FAR2: variants seen among roughly 807,000 people sequenced by gnomAD.
FAR2 encodes fatty acyl-CoA reductase 2.
FAR2 carries 19 observed loss-of-function variants against 56.0 expected under a neutral mutation model. That is an observed-to-expected ratio of 0.34 (90% CI 0.24 to 0.50). The LOEUF (loss-of-function observed/expected upper bound fraction) is 0.50. Ranked by LOEUF, FAR2 falls within the 20% of genes least tolerant of loss-of-function variation. The pLI, the probability that FAR2 is intolerant of heterozygous loss-of-function variation, is 0.98. For missense variants in FAR2, 508 were observed against 642.2 expected (o/e 0.79, Z 2.26); for synonymous variants, 219 against 218.8 (o/e 1.00, Z -0.01).
At chr12:29,238,061 T>C (rs1947967979) in intron 1 of FAR2, among the ~76,000 whole-genome samples, 1 of 152,176 alleles carries the variant, frequency 6.6e-6, no homozygotes, top group African/African-American at 2.4e-5. Flanking sequence ...AAAAGTTCAC[T>C]GATATGGTTT....
chr12:29,306,566 C>T (rs765436538), intron 4 of FAR2, among the ~76,000 whole-genome samples: 9 of 152,160 alleles, frequency 5.9e-5, no homozygotes, highest in Non-Finnish European at 1.0e-4. Flanking sequence ...TTAGAAAAAT[C>T]ACACTAGCAT....
intron 11 of FAR2, chr12:29,333,116 C>T (rs747789793): frequency 9.0e-6 from 3 of 332,468 alleles, no homozygotes; most frequent in African/African-American, 4.3e-5. Context: ...AAAAAAGTCA[C>T]TCCTCAATTT....
At chr12:29,239,899 CAG>C (rs982025183) in intron 1 of FAR2, among the ~76,000 whole-genome samples, 6 of 152,122 alleles carry the variant, frequency 3.9e-5, no homozygotes, top group African/African-American at 1.4e-4. Flanking sequence ...TGTTTTAAAA[CAG>C]AAAGATGATT....
intron 1 of FAR2, among the ~76,000 whole-genome samples, chr12:29,208,515 A>G (rs1358649419): frequency 1.3e-5 from 2 of 152,198 alleles, no homozygotes; most frequent in African/African-American, 4.8e-5. Context: ...TATATTGTTT[A>G]TACATCATTT....
chr12:29,258,415 A>C (rs990762336), intron 1 of FAR2, among the ~76,000 whole-genome samples: 2 of 152,162 alleles, frequency 1.3e-5, no homozygotes, highest in Middle Eastern at 3.2e-3. Context: ...TATATGTATA[A>C]ATTTTTTTCA....
intron 1 of FAR2, among the ~76,000 whole-genome samples, chr12:29,249,209 A>C (rs7299158): frequency 0.13 from 19,143 of 152,260 alleles, 1,403 homozygotes; most frequent in East Asian, 0.27. Context: ...GGCATAAGAA[A>C]TTATAAAAGT....
intron 9 of FAR2, chr12:29,317,837 A>G (rs1378329405): frequency 2.0e-5 from 3 of 152,674 alleles, no homozygotes; most frequent in African/African-American, 7.2e-5. Context: ...AGCTAAGGAA[A>G]GAATCTGAAT....
intron 1 of FAR2, among the ~76,000 whole-genome samples, chr12:29,192,188 A>T (rs564813198): frequency 6.6e-6 from 1 of 152,354 alleles, no homozygotes; most frequent in East Asian, 1.9e-4. Flanking sequence ...AAAATAAGTG[A>T]ATTGCACACC....
intron 1 of FAR2, among the ~76,000 whole-genome samples, chr12:29,173,535 T>A (rs975121187): frequency 6.6e-6 from 1 of 152,176 alleles, no homozygotes; most frequent in Non-Finnish European, 1.5e-5. Context: ...GATAGTATTG[T>A]AATTTATACT....
chr12:29,167,980 A>G (rs550213062), intron 1 of FAR2, among the ~76,000 whole-genome samples: 1 of 152,314 alleles, frequency 6.6e-6, no homozygotes, highest in South Asian at 2.1e-4. Context: ...ATTCTTGGAG[A>G]GATGGTGCTT....
chr12:29,209,678 G>A (rs1014739169), intron 1 of FAR2, among the ~76,000 whole-genome samples: 110 of 147,182 alleles, frequency 7.5e-4, no homozygotes, highest in Admixed American at 2.8e-4. Flanking sequence ...CTGCTACAAA[G>A]AAGGATGTCT....
intron 1 of FAR2, among the ~76,000 whole-genome samples, chr12:29,205,614 A>G (rs1445231403): frequency 2.0e-5 from 3 of 152,208 alleles, no homozygotes; most frequent in Non-Finnish European, 4.4e-5. Context: ...AATGAAATGG[A>G]AAAAAAGCTT....
intron 2 of FAR2, among the ~76,000 whole-genome samples, chr12:29,275,726 C>A (rs140849449): frequency 4.6e-5 from 7 of 152,290 alleles, no homozygotes; most frequent in South Asian, 4.2e-4. Flanking sequence ...GCCAACTATG[C>A]ATTTCTAGAT....
chr12:29,276,179 C>T (rs1479897451), intron 2 of FAR2, among the ~76,000 whole-genome samples: 1 of 152,210 alleles, frequency 6.6e-6, no homozygotes, highest in Non-Finnish European at 1.5e-5. Flanking sequence ...CAGGGAGTCT[C>T]TGCGTCTTTC....
intron 1 of FAR2, among the ~76,000 whole-genome samples, chr12:29,151,055 G>A (rs1428120167): frequency 1.3e-5 from 2 of 152,188 alleles, no homozygotes; most frequent in South Asian, 4.1e-4. Flanking sequence ...TGATCATCTT[G>A]ACCATCTCAC....
chr12:29,213,284 A>G (rs1269694230), intron 1 of FAR2, among the ~76,000 whole-genome samples: 1 of 152,084 alleles, frequency 6.6e-6, no homozygotes, highest in Non-Finnish European at 1.5e-5. Context: ...TACTATGGGT[A>G]AAACCTACAC....
At chr12:29,247,155 A>G (rs1948141616) in intron 1 of FAR2, among the ~76,000 whole-genome samples, 2 of 152,150 alleles carry the variant, frequency 1.3e-5, no homozygotes, top group Admixed American at 6.5e-5. Context: ...AGTTTACTAT[A>G]TTATATTGAT....
chr12:29,164,040 C>T (rs1051563430), intron 1 of FAR2, among the ~76,000 whole-genome samples: 3 of 152,120 alleles, frequency 2.0e-5, no homozygotes, highest in Admixed American at 2.0e-4. Flanking sequence ...ATAATAGATA[C>T]CCTCTAAGGG....
At chr12:29,273,614 G>A (rs1409185822) in intron 2 of FAR2, among the ~76,000 whole-genome samples, 1 of 152,230 alleles carries the variant, frequency 6.6e-6, no homozygotes, top group East Asian at 1.9e-4. Flanking sequence ...AGTGCTGGCT[G>A]CTGCCCCTCC....
Sources: gnomAD v4.1 joint callset for allele counts (sites outside exome capture counted in the v4.1 genomes callset) on GRCh38, gnomAD v4.1.1 for gene constraint, MANE v1.5 for transcripts, NCBI Gene and HGNC (gene_info 2026-07-23, HGNC 2026-07-21) for gene names.